The following STAU2 variants were observed in gnomAD, a reference collection of about 807,000 sequenced individuals.
STAU2 encodes staufen double-stranded RNA binding protein 2, also known as double-stranded RNA-binding protein Staufen homolog 2.
Under a neutral mutation model 65.9 loss-of-function variants are expected in STAU2, and 20 were observed. That is an observed-to-expected ratio of 0.30 (90% CI 0.21 to 0.44). The LOEUF (loss-of-function observed/expected upper bound fraction) is 0.44. Ranked by LOEUF, STAU2 falls within the 20% of genes least tolerant of loss-of-function variation. The pLI is 1.00. For synonymous variants in STAU2, 232 were observed against 233.9 expected (o/e 0.99, Z 0.07); for missense variants, 558 against 683.9 (o/e 0.82, Z 2.05).
chr8:73,706,519 TA>T (rs1340885755), intron 4 of STAU2, among the ~76,000 whole-genome samples: 2 of 152,168 alleles, frequency 1.3e-5, no homozygotes, highest in African/African-American at 4.8e-5. Context: ...AGGCCACTGA[TA>T]GACATACATG....
chr8:73,462,016 A>T (rs1386232750), intron 13 of STAU2, among the ~76,000 whole-genome samples: 1 of 152,178 alleles, frequency 6.6e-6, no homozygotes, highest in Admixed American at 6.5e-5. Flanking sequence ...TATCCCCCAT[A>T]TAGAATGACT....
intron 6 of STAU2, among the ~76,000 whole-genome samples, chr8:73,634,812 C>G (rs182732042): frequency 6.6e-6 from 1 of 152,204 alleles, no homozygotes; most frequent in East Asian, 1.9e-4. Context: ...TTAAAGTCTT[C>G]GCTCAAATCT....
At chr8:73,554,969 C>T (rs1807617523) in intron 12 of STAU2, among the ~76,000 whole-genome samples, 1 of 152,212 alleles carries the variant, frequency 6.6e-6, no homozygotes, top group African/African-American at 2.4e-5. Context: ...TACACACATG[C>T]ACATACTCTC....
chr8:73,569,215 C>G (rs1053492836), intron 12 of STAU2, among the ~76,000 whole-genome samples: 4 of 152,036 alleles, frequency 2.6e-5, no homozygotes, highest in African/African-American at 9.7e-5. Context: ...TCACTGCTAG[C>G]ACAGCAGTCT....
intron 3 of STAU2, among the ~76,000 whole-genome samples, chr8:73,719,958 C>A (rs1272605580): frequency 6.6e-6 from 1 of 152,098 alleles, no homozygotes; most frequent in East Asian, 1.9e-4. Context: ...TAGACTTTTA[C>A]TACAATTTTT....
chr8:73,632,391 T>G (rs369492507), intron 6 of STAU2, among the ~76,000 whole-genome samples: 1 of 152,164 alleles, frequency 6.6e-6, no homozygotes, highest in Non-Finnish European at 1.5e-5. Context: ...CCTTAAGTAT[T>G]TGAGGAATCA....
At chr8:73,546,537 T>C (rs762997146) in intron 13 of STAU2, among the ~76,000 whole-genome samples, 6 of 152,210 alleles carry the variant, frequency 3.9e-5, no homozygotes, top group Non-Finnish European at 7.3e-5. Context: ...TGTGAGTCCA[T>C]CAATAACTGT....
At chr8:73,515,967 T>C (rs1822701739) in intron 13 of STAU2, among the ~76,000 whole-genome samples, 1 of 147,994 alleles carries the variant, frequency 6.8e-6, no homozygotes. Flanking sequence ...AGAGTCTTGC[T>C]CTGTCACCCA....
intron 13 of STAU2, chr8:73,440,752 C>T (rs1212112331): frequency 6.6e-6 from 1 of 152,250 alleles, no homozygotes; most frequent in Non-Finnish European, 1.5e-5. Context: ...GGTCACCACC[C>T]TATTCAAATC....
chr8:73,724,153 G>A (rs559622034), intron 3 of STAU2, among the ~76,000 whole-genome samples: 7 of 152,114 alleles, frequency 4.6e-5, no homozygotes, highest in African/African-American at 1.7e-4. Flanking sequence ...GACTCACCTT[G>A]TTTGTTTCTT....
intron 11 of STAU2, among the ~76,000 whole-genome samples, chr8:73,593,105 C>A (rs1224549498): frequency 1.1e-4 from 17 of 152,112 alleles, no homozygotes; most frequent in Admixed American, 1.1e-3. Flanking sequence ...TGAAATATCT[C>A]TGGAGTCTTT....
intron 13 of STAU2, among the ~76,000 whole-genome samples, chr8:73,447,971 C>T (rs549677019): frequency 2.0e-5 from 3 of 152,276 alleles, no homozygotes; most frequent in East Asian, 1.9e-4. Context: ...CGGCATCCAT[C>T]GATGGGATTT....
chr8:73,480,967 T>C (rs1195147186), intron 13 of STAU2, among the ~76,000 whole-genome samples: 1 of 152,206 alleles, frequency 6.6e-6, no homozygotes, highest in Non-Finnish European at 1.5e-5. Flanking sequence ...TTAAATCATG[T>C]AAATATTTTA....
chr8:73,500,828 T>A (rs1051041320), intron 13 of STAU2, among the ~76,000 whole-genome samples: 2 of 151,906 alleles, frequency 1.3e-5, no homozygotes, highest in Admixed American at 1.3e-4. Flanking sequence ...AGTAATGATA[T>A]TTTTCCCTTA....
At chr8:73,589,468 CA>C (rs1029110828) in intron 11 of STAU2, among the ~76,000 whole-genome samples, 6 of 152,038 alleles carry the variant, frequency 3.9e-5, no homozygotes, top group Admixed American at 1.3e-4. Flanking sequence ...GTTGAAAGAC[CA>C]ACTGGAAAAA....
chr8:73,452,317 C>CA (rs1324901158), intron 13 of STAU2, among the ~76,000 whole-genome samples: 1 of 152,198 alleles, frequency 6.6e-6, no homozygotes, highest in Non-Finnish European at 1.5e-5. Flanking sequence ...TGAGGAGGCT[C>CA]AAAGGGCCCA....
chr8:73,442,732 A>G (rs1025474744), intron 13 of STAU2, among the ~76,000 whole-genome samples: 1 of 152,230 alleles, frequency 6.6e-6, no homozygotes, highest in East Asian at 1.9e-4. Flanking sequence ...GGTTAAAAGT[A>G]TAAGAATTTA....
intron 11 of STAU2, among the ~76,000 whole-genome samples, chr8:73,588,363 T>C (rs1810526025): frequency 6.6e-6 from 1 of 152,202 alleles, no homozygotes; most frequent in Admixed American, 6.5e-5. Flanking sequence ...GAGTATGAGC[T>C]AGCATGATAG....
At chr8:73,530,918 G>C (rs567625929) in intron 13 of STAU2, among the ~76,000 whole-genome samples, 1 of 152,268 alleles carries the variant, frequency 6.6e-6, no homozygotes, top group East Asian at 1.9e-4. Flanking sequence ...CTGTCCCTCA[G>C]GGCCAGAGGG....
Sources: allele counts gnomAD v4.1 joint callset (sites outside exome capture counted in the v4.1 genomes callset), GRCh38; gene constraint gnomAD v4.1.1; transcripts MANE v1.5; gene names NCBI Gene and HGNC (gene_info 2026-07-23, HGNC 2026-07-21).